KMT2C: variants seen among roughly 807,000 people sequenced by gnomAD.
KMT2C encodes histone-lysine N-methyltransferase 2C.
Under a neutral mutation model 507.9 loss-of-function variants are expected in KMT2C, and 88 were observed. That is an observed-to-expected ratio of 0.17 (90% confidence interval 0.15 to 0.21). The LOEUF (loss-of-function observed/expected upper bound fraction) is 0.21, where lower values mean the gene tolerates loss of function less well. Ranked by LOEUF, KMT2C falls within the 10% of genes least tolerant of loss-of-function variation. KMT2C has a pLI of 1.00. For synonymous variants in KMT2C, 2,049 were observed against 2,080.8 expected (o/e 0.98, Z 0.42); for missense variants, 4,954 against 5,957.8 (o/e 0.83, Z 5.55).
chr7:152,146,435 C>T (rs2091106439), intron 53 of KMT2C, among the ~76,000 whole-genome samples, 164 bp downstream of exon 53: 1 of 152,204 alleles, frequency 6.6e-6, no homozygotes, highest in Non-Finnish European at 1.5e-5. Context: ...CACGGCTGAG[C>T]TCTCCCGATT....
rs1563296413 is a variant in KMT2C at position 152,182,984 on chromosome 7, T to C, written c.5255A>G (p.Lys1752Arg). 6.3e-7 allele frequency: 1 copy of C among 1,587,388 alleles called. No homozygotes were observed. The change falls in exon 35 of 59, where the codon AAA becomes AGA. Residue 1752 changes from lysine to arginine, a missense_variant. Lys to Arg is a conservative substitution (Grantham distance 26). Transcript: ENST00000262189. ...CCAAAAATTCCATACCTGTCTAAATTTCCATTCCTGTTCATGTTCTGATTC... is the reference window on the plus strand; with the variant it reads ...CCAAAAATTCCATACCTGTCTAAATCTCCATTCCTGTTCATGTTCTGATTC... ...QRESEHEQEWKFRQQMRQKSK... is the reference protein window; with the variant it reads ...QRESEHEQEWRFRQQMRQKSK...
intron 6 of KMT2C, among the ~76,000 whole-genome samples, chr7:152,282,764 G>A (rs532941472): frequency 5.9e-5 from 9 of 151,606 alleles, no homozygotes; most frequent in African/African-American, 1.9e-4. Context: ...TAGTATATAC[G>A]TTCTAATATT....
At chr7:152,208,133 T>C (rs2094356335) in intron 23 of KMT2C, among the ~76,000 whole-genome samples, 1 of 152,218 alleles carries the variant, frequency 6.6e-6, no homozygotes, top group Non-Finnish European at 1.5e-5. Flanking sequence ...TAAATATGTA[T>C]CCATTTTCTG....
intron 6 of KMT2C, among the ~76,000 whole-genome samples, chr7:152,301,879 TA>T (rs1335221096): frequency 1.3e-4 from 20 of 152,378 alleles, no homozygotes; most frequent in Non-Finnish European, 1.0e-4. Flanking sequence ...GGATCTTACA[TA>T]AAAGTACTTT....
intron 14 of KMT2C, among the ~76,000 whole-genome samples, chr7:152,243,265 C>G (rs2095416635): frequency 6.6e-6 from 1 of 152,176 alleles, no homozygotes; most frequent in Non-Finnish European, 1.5e-5. Context: ...AATACCACAA[C>G]AAGCACAAGT....
chr7:152,384,548 A>ACACCACCACTACCACCAC lies in KMT2C; in HGVS notation c.162-25874_162-25873insGTGGTGGTAGTGGTGGTG, dbSNP rs1564068171. Reference sequence around the variant, plus strand: ...TGCTATATTATCCCCCATGTGCATAACACCACCACCACCACCACCACCACC... The same window carrying ACACCACCACTACCACCAC: ...TGCTATATTATCCCCCATGTGCATAACACCACCACTACCACCACCACCACCACCACCACCACCACCACC... On this transcript the variant is annotated intron_variant, in intron 1 of 58. Transcript: ENST00000262189. Among the ~76,000 whole-genome samples, 22 of 62,230 alleles carry ACACCACCACTACCACCAC rather than the reference A, an allele frequency of 3.5e-4. 3 individuals carry two copies. Among genetic ancestry groups the ACACCACCACTACCACCAC allele is most frequent in the African/African-American group, 1.0e-3 (16 of 16,020 alleles). The allele number at this position is 62,230 out of a possible 152,430, so 40.8% of individuals were successfully genotyped here. A position where few individuals can be genotyped will look rare whatever the true frequency, so the allele number is the denominator to read the frequency against.
chr7:152,357,500 C>A (rs898023640), intron 2 of KMT2C, among the ~76,000 whole-genome samples: 1 of 152,030 alleles, frequency 6.6e-6, no homozygotes, highest in Non-Finnish European at 1.5e-5. Context: ...CCACTGCACT[C>A]CAGCCCAGGC....
At chr7:152,268,515 CT>C (rs1427507609) in intron 7 of KMT2C, among the ~76,000 whole-genome samples, 1 of 152,112 alleles carries the variant, frequency 6.6e-6, no homozygotes, top group African/African-American at 2.4e-5. Flanking sequence ...GAAGGACTTA[CT>C]GCTAAAATCA....
At chr7:152,225,987 T>G (rs1362736879) in intron 18 of KMT2C, among the ~76,000 whole-genome samples, 1 of 152,104 alleles carries the variant, frequency 6.6e-6, no homozygotes, top group African/African-American at 2.4e-5. Context: ...GAACTAAACA[T>G]AGTAATACAA....
chr7:152,344,897 G>C (rs2097040873), intron 2 of KMT2C, among the ~76,000 whole-genome samples: 2 of 151,930 alleles, frequency 1.3e-5, no homozygotes, highest in African/African-American at 2.4e-5. Context: ...TGAGGCAGGA[G>C]AATGGCGTGA....
intron 1 of KMT2C, 127 bp from the exon 2 acceptor site, chr7:152,358,802 ATTTTACC>A (rs2097173067): frequency 1.7e-6 from 1 of 601,316 alleles, no homozygotes; most frequent in Admixed American, 2.8e-5. Flanking sequence ...TTTTTCCAGC[ATTTTACC>A]ATATCAAGTA....
intron 51 of KMT2C, among the ~76,000 whole-genome samples, chr7:152,150,153 G>A (rs2091486328): frequency 6.6e-6 from 1 of 152,172 alleles, no homozygotes; most frequent in South Asian, 2.1e-4. Context: ...CATATCATTT[G>A]TATCAACCAT....
chr7:152,331,380 G>A (rs971327234), intron 2 of KMT2C, among the ~76,000 whole-genome samples: 2 of 151,844 alleles, frequency 1.3e-5, no homozygotes, highest in African/African-American at 4.8e-5. Context: ...CACCTTGGGA[G>A]GCTGAGGCAG....
At chr7:152,252,230 A>T in intron 10 of KMT2C, 140 bp from the exon 11 acceptor site, 1 of 629,758 alleles carries the variant, frequency 1.6e-6, no homozygotes, top group South Asian at 2.7e-5. Flanking sequence ...TTGCTAACTG[A>T]CAAAGGTTTT....
At chr7:152,383,267 T>C (rs2097390643) in intron 1 of KMT2C, among the ~76,000 whole-genome samples, 1 of 152,266 alleles carries the variant, frequency 6.6e-6, no homozygotes, top group Non-Finnish European at 1.5e-5. Flanking sequence ...AAATTTTTTC[T>C]GATTTAGTAA....
chr7:152,416,072 G>A (rs1042278498), intron 1 of KMT2C, among the ~76,000 whole-genome samples: 6 of 152,004 alleles, frequency 3.9e-5, no homozygotes, highest in African/African-American at 7.3e-5. Flanking sequence ...TTTAGGGAGT[G>A]GCATTTCAAA....
chr7:152,384,982 T>C (rs1209164116), intron 1 of KMT2C, among the ~76,000 whole-genome samples: 2 of 152,138 alleles, frequency 1.3e-5, no homozygotes, highest in Non-Finnish European at 2.9e-5. Flanking sequence ...TCACCAACAG[T>C]TGCTAATGTC....
chr7:152,265,781 T>C (rs1254860679), intron 7 of KMT2C, among the ~76,000 whole-genome samples: 7 of 152,012 alleles, frequency 4.6e-5, no homozygotes, highest in Non-Finnish European at 1.0e-4. Flanking sequence ...AGACAGAAGC[T>C]ACATATTCAT....
chr7:152,422,935 T>G (rs570346412), intron 1 of KMT2C, among the ~76,000 whole-genome samples: 1 of 149,602 alleles, frequency 6.7e-6, no homozygotes, highest in Non-Finnish European at 1.5e-5. Context: ...GAGAATGGCA[T>G]GAACCCGGGA....
Sources: allele counts gnomAD v4.1 joint callset (sites outside exome capture counted in the v4.1 genomes callset), GRCh38; gene constraint gnomAD v4.1.1; transcripts MANE v1.5; gene names NCBI Gene and HGNC (gene_info 2026-07-23, HGNC 2026-07-21).